Variants in SNTG1 observed in about 807,000 individuals in gnomAD.
SNTG1 encodes the protein gamma-1-syntrophin.
In SNTG1, 39 loss-of-function variants were observed where a neutral mutation model predicts 74.7. That is an observed-to-expected ratio of 0.52 (90% confidence interval 0.40 to 0.68). SNTG1 has a LOEUF of 0.68. SNTG1 is among the 30% of genes least tolerant of loss of function. The probability of loss-of-function intolerance (pLI) is 0.00; values close to 1 mark genes in which losing one functional copy is unlikely to be tolerated. For missense variants in SNTG1, 685 were observed against 609.5 expected (o/e 1.12, Z -1.30); for synonymous variants, 254 against 217.1 (o/e 1.17, Z -1.49).
chr8:50,606,865 C>T (rs2094816652), intron 13 of SNTG1, among the ~76,000 whole-genome samples: 1 of 151,442 alleles, frequency 6.6e-6, no homozygotes, highest in African/African-American at 2.4e-5. Flanking sequence ...TATCAATATG[C>T]TATGTTCTAT....
intron 1 of SNTG1, among the ~76,000 whole-genome samples, chr8:50,135,039 C>T (rs544940831): frequency 6.6e-6 from 1 of 152,226 alleles, no homozygotes; most frequent in East Asian, 1.9e-4. Flanking sequence ...TATGTCAACC[C>T]GGTAGTTGGC....
At chr8:50,067,566 C>G (rs542523281) in intron 1 of SNTG1, among the ~76,000 whole-genome samples, 135 of 152,270 alleles carry the variant, frequency 8.9e-4, no homozygotes, top group African/African-American at 3.2e-3. Flanking sequence ...TTAGTCTTCC[C>G]TTTGACAATC....
intron 18 of SNTG1, among the ~76,000 whole-genome samples, chr8:50,766,644 C>G (rs1199646937): frequency 6.6e-6 from 1 of 151,782 alleles, no homozygotes; most frequent in Non-Finnish European, 1.5e-5. Flanking sequence ...TCTCCTGTGT[C>G]CCCATCTCAA....
intron 1 of SNTG1, among the ~76,000 whole-genome samples, chr8:49,999,770 G>T (rs1399406672): frequency 6.6e-6 from 1 of 152,022 alleles, no homozygotes; most frequent in African/African-American, 2.4e-5. Context: ...AGTGCTTCCT[G>T]TTTCCACCTT....
At chr8:50,510,960 A>G (rs2094066625) in intron 9 of SNTG1, among the ~76,000 whole-genome samples, 2 of 151,876 alleles carry the variant, frequency 1.3e-5, no homozygotes, top group Non-Finnish European at 2.9e-5. Flanking sequence ...TCTGCTAACT[A>G]TTGAATGTGT....
At chr8:49,975,683 CTT>C (rs1249959323) in intron 1 of SNTG1, among the ~76,000 whole-genome samples, 2 of 151,964 alleles carry the variant, frequency 1.3e-5, no homozygotes, top group Non-Finnish European at 2.9e-5. Context: ...GAAGGGGACT[CTT>C]ATTTTCAGTC....
intron 2 of SNTG1, among the ~76,000 whole-genome samples, chr8:50,300,433 C>G (rs1446890780): frequency 6.6e-6 from 1 of 151,950 alleles, no homozygotes. Context: ...CTGTGCCCAG[C>G]CAATAAGTTT....
chr8:50,586,459 A>T (rs2094648708), intron 12 of SNTG1, among the ~76,000 whole-genome samples: 1 of 152,122 alleles, frequency 6.6e-6, no homozygotes, highest in South Asian at 2.1e-4. Context: ...TGTTGAACTT[A>T]TCCTCATTCC....
chr8:50,234,368 C>T (rs58283738), intron 2 of SNTG1, among the ~76,000 whole-genome samples: 4,257 of 151,728 alleles, frequency 0.028, 191 homozygotes, highest in African/African-American at 0.093. Context: ...TAGTGGATTG[C>T]GTGGGTTAGG....
chr8:50,499,652 ATAT>A (rs1211082492), intron 8 of SNTG1, among the ~76,000 whole-genome samples: 1 of 151,608 alleles, frequency 6.6e-6, no homozygotes, highest in Non-Finnish European at 1.5e-5. Flanking sequence ...TTTAGTAATG[ATAT>A]TACCTGTAGG....
intron 9 of SNTG1, among the ~76,000 whole-genome samples, chr8:50,519,043 G>A: frequency 6.6e-6 from 1 of 152,120 alleles, no homozygotes; most frequent in Middle Eastern, 3.4e-3. Flanking sequence ...AACATTGATG[G>A]GAAAATCCTC....
chr8:50,515,966 CA>C (rs1188641666), intron 9 of SNTG1, among the ~76,000 whole-genome samples: 1 of 152,198 alleles, frequency 6.6e-6, no homozygotes, highest in Non-Finnish European at 1.5e-5. Context: ...ATTCCCTCCT[CA>C]AGTGGGTCCC....
Position 50,134,378 on chromosome 8 carries a change from G to A in SNTG1, c.-102-38183G>A, listed in dbSNP as rs567162833. On this transcript the variant is annotated intron_variant, in intron 1 of 18. Transcript: ENST00000642720. ...GCACAGGGAGAGGAGCTTTCCAAAT[G>A]AGGCTTACAATCAATGTAAGATAAA... Among the ~76,000 whole-genome samples, 3 of 152,298 alleles carry A rather than the reference G, an allele frequency of 2.0e-5. No individual in the cohort carries two copies. The South Asian group carries it at 6.2e-4, about 32-fold the overall frequency.
At chr8:50,564,167 C>T (rs769343018) in intron 12 of SNTG1, among the ~76,000 whole-genome samples, 12 of 151,604 alleles carry the variant, frequency 7.9e-5, no homozygotes, top group Non-Finnish European at 1.3e-4. Flanking sequence ...CTGTTTCTCT[C>T]TGACATGTCA....
chr8:50,630,596 C>T (rs2094990221), intron 13 of SNTG1, among the ~76,000 whole-genome samples: 1 of 152,116 alleles, frequency 6.6e-6, no homozygotes, highest in South Asian at 2.1e-4. Flanking sequence ...ATAAATACTA[C>T]AGAAACACAA....
At chr8:50,708,245 C>T (rs2095450702) in intron 16 of SNTG1, 1 of 154,954 alleles carries the variant, frequency 6.5e-6, no homozygotes, top group African/African-American at 2.4e-5. Context: ...ATTATCTGAT[C>T]TCATTGTGAA....
rs190625612 is a variant in SNTG1, at chr8:50,701,253, G to A, written c.1039-3347G>A. 6.6e-5 allele frequency among the ~76,000 whole-genome samples: 10 copies of A among 152,300 alleles called. No individual in the cohort carries two copies. In the East Asian group the frequency reaches 1.9e-3, roughly 29 times the overall value. ...ATCAATTTAAAAAGCTAAGGTAGAT[G>A]TTGAAATATCTGCAGTATAAAGAGA... is the stretch of plus-strand genomic sequence containing the variant. On this transcript the variant is annotated intron_variant, in intron 15 of 18. Coordinates refer to ENST00000642720, the MANE Select transcript of SNTG1 (RefSeq NM_018967.5).
chr8:50,175,131 G>T (rs2082949455), intron 2 of SNTG1, among the ~76,000 whole-genome samples: 1 of 151,964 alleles, frequency 6.6e-6, no homozygotes, highest in African/African-American at 2.4e-5. Context: ...ATTTGGGTTG[G>T]TTCCAAGTCG....
intron 1 of SNTG1, among the ~76,000 whole-genome samples, chr8:50,014,517 T>C (rs138069437): frequency 1.4e-3 from 215 of 152,256 alleles, no homozygotes; most frequent in African/African-American, 4.8e-3. Context: ...TGCAAAGCCA[T>C]GTGCATGACT....
Sources: gnomAD v4.1 joint callset for allele counts (sites outside exome capture counted in the v4.1 genomes callset) on GRCh38, gnomAD v4.1.1 for gene constraint, MANE v1.5 for transcripts, NCBI Gene and HGNC (gene_info 2026-07-23, HGNC 2026-07-21) for gene names.